NUP88: variants seen among roughly 807,000 people sequenced by gnomAD.
NUP88 encodes the protein nuclear pore complex protein Nup88.
NUP88 carries 57 observed loss-of-function variants against 93.9 expected under a neutral mutation model. The observed-to-expected ratio is 0.61, with a 90% confidence interval of 0.49 to 0.76. The LOEUF (loss-of-function observed/expected upper bound fraction) is 0.76. Among genes scored for constraint, NUP88 ranks in the 30% least tolerant of loss-of-function variants. The pLI is 0.00. For missense variants in NUP88, 911 were observed against 901.0 expected (o/e 1.01, Z -0.14); for synonymous variants, 346 against 336.8 (o/e 1.03, Z -0.30).
intron 2 of NUP88, among the ~76,000 whole-genome samples, chr17:5,415,219 C>A (rs1488537695): frequency 6.6e-6 from 1 of 151,850 alleles, no homozygotes; most frequent in East Asian, 2.0e-4. Flanking sequence ...GAGGTTTCAC[C>A]ATGTTGCCCA....
chr17:5,387,573 C>A, intron 13 of NUP88, 32 bp downstream of exon 13: 1 of 1,599,336 alleles, frequency 6.3e-7, no homozygotes, highest in Non-Finnish European at 8.6e-7. Context: ...GTCTTACTGA[C>A]CTATTGTATT....
intron 9 of NUP88, among the ~76,000 whole-genome samples, chr17:5,393,414 G>C (rs1030778869): frequency 6.8e-6 from 1 of 146,352 alleles, no homozygotes; most frequent in Non-Finnish European, 1.5e-5. Flanking sequence ...ATTTTATTAT[G>C]TATTTTCCTT....
At chr17:5,407,919 C>T (rs1913592636) in intron 5 of NUP88, among the ~76,000 whole-genome samples, 1 of 152,154 alleles carries the variant, frequency 6.6e-6, no homozygotes, top group African/African-American at 2.4e-5. Context: ...AAGTCTCTGT[C>T]CCAGTCCCCT....
rs776950646 is a variant in NUP88, at chr17:5,386,187, G to T, written c.*19C>A. On this transcript the variant is annotated 3_prime_UTR_variant, in exon 17 of 17. Coordinates refer to ENST00000573584, the MANE Select transcript of NUP88 (RefSeq NM_002532.6). The stretch of plus-strand genomic sequence containing the variant: ...CTTCAATGGTGTTCAGTTCAGGTGT[G>T]AGTCAGCTCCTGGTGGTGTCAGAAG... 18 of 1,601,286 alleles carry T rather than the reference G, an allele frequency of 1.1e-5. 1 individual carries two copies. The South Asian group carries it at 1.9e-4, about 17-fold the overall frequency.
chr17:5,418,989 G>C (rs914442157), intron 1 of NUP88, among the ~76,000 whole-genome samples: 3 of 152,170 alleles, frequency 2.0e-5, no homozygotes, highest in Non-Finnish European at 4.4e-5. Flanking sequence ...TGTGCACAAC[G>C]CAAGAGAAAG....
At chr17:5,391,244 C>T (rs1393797738) in intron 10 of NUP88, among the ~76,000 whole-genome samples, 4 of 152,084 alleles carry the variant, frequency 2.6e-5, no homozygotes, top group Non-Finnish European at 1.5e-5. Flanking sequence ...CTGAGCTTGG[C>T]GTATGGTCAC....
chr17:5,412,133 A>G (rs1036780807), intron 3 of NUP88, among the ~76,000 whole-genome samples: 6 of 152,210 alleles, frequency 3.9e-5, no homozygotes, highest in African/African-American at 1.4e-4. Context: ...GGGGCCAGAT[A>G]CTTCCTTTGG....
chr17:5,407,044 G>A (rs1913539915), intron 5 of NUP88, among the ~76,000 whole-genome samples: 1 of 152,130 alleles, frequency 6.6e-6, no homozygotes, highest in Non-Finnish European at 1.5e-5. Context: ...GAGGAGAAAG[G>A]GTAAGGGAAG....
chr17:5,403,391 T>G (rs1454638792), intron 7 of NUP88, among the ~76,000 whole-genome samples: 1 of 152,070 alleles, frequency 6.6e-6, no homozygotes, highest in Non-Finnish European at 1.5e-5. Context: ...GCAGAAGAAT[T>G]GCTTGAACCC....
intron 3 of NUP88, among the ~76,000 whole-genome samples, chr17:5,411,359 T>G (rs1464259207): frequency 6.6e-6 from 1 of 151,924 alleles, no homozygotes; most frequent in Non-Finnish European, 1.5e-5. Context: ...AGGTCAGGAG[T>G]TCGTGACCAG....
At chr17:5,409,572 A>G (rs1989945) in intron 4 of NUP88, among the ~76,000 whole-genome samples, 68,996 of 151,904 alleles carry the variant, frequency 0.45, 16,396 homozygotes, top group East Asian at 0.84. Flanking sequence ...TCTGAGCAGC[A>G]GGATCCGTAA....
At chr17:5,404,301 C>T (rs1051732175) in intron 6 of NUP88, 55 bp from the exon 7 acceptor site, 2 of 1,586,112 alleles carry the variant, frequency 1.3e-6, no homozygotes, top group Non-Finnish European at 1.7e-6. Context: ...AAAATGTACA[C>T]AATTAAAAAC....
intron 1 of NUP88, among the ~76,000 whole-genome samples, chr17:5,416,912 TG>T (rs1914187012): frequency 6.6e-6 from 1 of 151,328 alleles, no homozygotes; most frequent in Admixed American, 6.6e-5. Flanking sequence ...GACTTTACTA[TG>T]GGGGTTCAAG....
At chr17:5,414,385 G>GGGTT (rs1914017429) in intron 2 of NUP88, among the ~76,000 whole-genome samples, 1 of 151,876 alleles carries the variant, frequency 6.6e-6, no homozygotes, top group African/African-American at 2.4e-5. Flanking sequence ...AGTAGAGAGG[G>GGGTT]GGTTTCTCCA....
At chr17:5,391,954 C>T (rs1806234) in intron 9 of NUP88, among the ~76,000 whole-genome samples, 5 of 148,678 alleles carry the variant, frequency 3.4e-5, no homozygotes, top group African/African-American at 1.2e-4. Context: ...CACATAAGCC[C>T]CAGCTATCTT....
At chr17:5,401,428 C>CAG (rs1275283850) in intron 7 of NUP88, among the ~76,000 whole-genome samples, 1 of 151,548 alleles carries the variant, frequency 6.6e-6, no homozygotes, top group East Asian at 1.9e-4. Flanking sequence ...AAACAAAATA[C>CAG]AGAGATAAGG....
At chr17:5,395,468 A>G (rs1222761560) in intron 8 of NUP88, among the ~76,000 whole-genome samples, 1 of 152,166 alleles carries the variant, frequency 6.6e-6, no homozygotes, top group Non-Finnish European at 1.5e-5. Context: ...CTCAGGTTCA[A>G]GGATGGAAAA....
Position 5,408,739 on chromosome 17 carries a change from A to G in NUP88, c.851T>C (p.Leu284Ser). 2 of 1,599,850 alleles carry G rather than the reference A, an allele frequency of 1.3e-6. No individual in the cohort carries two copies. The highest frequency in any genetic ancestry group is 1.7e-6 in the Non-Finnish European group (2 of 1,174,360). ...GGTGACCACCTCAACTTACCTGTGT[A>G]ACAGACTGATGTATGTCAGGAAAGT... The part of the protein sequence containing the change: ...GETFLTYISL[L>S]HSPGNIGKLL... Residue 284 changes from leucine to serine, a missense_variant, in exon 5 of 17, where the codon TTA becomes TCA. Coordinates refer to ENST00000573584, the MANE Select transcript of NUP88 (RefSeq NM_002532.6).
At position 5,391,586 on chromosome 17, in the gene NUP88, A is replaced by G. The variant is rs770882431; in HGVS notation, c.1459T>C (p.Tyr487His). Reference protein sequence around the residue: ...GPTMICITSTYECLIWPLLST... With the variant: ...GPTMICITSTHECLIWPLLST... Reference sequence around the variant, plus strand: ...AATAACGGCCATATGAGGCATTCATAGGTACTGGTGATGCAGATCATCGTG... The same window carrying G: ...AATAACGGCCATATGAGGCATTCATGGGTACTGGTGATGCAGATCATCGTG... Residue 487 changes from tyrosine (Y) to histidine (H), a missense_variant, in exon 10 of 17, where the codon TAT becomes CAT. Coordinates refer to ENST00000573584, the MANE Select transcript of NUP88 (RefSeq NM_002532.6). 5 of 1,613,888 alleles carry G rather than the reference A, an allele frequency of 3.1e-6. No homozygotes were observed. The highest frequency in any genetic ancestry group is 4.2e-6 in the Non-Finnish European group (5 of 1,179,728).
Sources: allele counts gnomAD v4.1 joint callset (sites outside exome capture counted in the v4.1 genomes callset), GRCh38; gene constraint gnomAD v4.1.1; transcripts MANE v1.5; gene names NCBI Gene and HGNC (gene_info 2026-07-23, HGNC 2026-07-21).